The following ADGRB3 variants were observed in gnomAD, a reference collection of about 807,000 sequenced individuals.
ADGRB3 encodes brain-specific angiogenesis inhibitor 3.
ADGRB3 carries 37 observed loss-of-function variants against 193.4 expected under a neutral mutation model. That is an observed-to-expected ratio of 0.19 (90% CI 0.15 to 0.25). ADGRB3 has a LOEUF of 0.25. ADGRB3 is among the 10% of genes least tolerant of loss of function. The pLI, the probability that ADGRB3 is intolerant of heterozygous loss-of-function variation, is 1.00. For synonymous variants in ADGRB3, 690 were observed against 644.2 expected, an observed-to-expected ratio of 1.07 and a Z score of -1.08; for missense variants, 1,637 against 1,852.9, an observed-to-expected ratio of 0.88 and a Z score of 2.14.
chr6:69,353,249 T>G (rs888715425), intron 26 of ADGRB3, among the ~76,000 whole-genome samples: 1 of 152,246 alleles, frequency 6.6e-6, no homozygotes, highest in Non-Finnish European at 1.5e-5. Flanking sequence ...CTTAGAACTT[T>G]CGTGAGATGT....
intron 3 of ADGRB3, among the ~76,000 whole-genome samples, chr6:68,705,630 G>T (rs1765313924): frequency 6.6e-6 from 1 of 152,206 alleles, no homozygotes. Flanking sequence ...TAACGAAAGG[G>T]TTATTTAAAG....
At chr6:69,010,612 A>G (rs1207324128) in intron 11 of ADGRB3, among the ~76,000 whole-genome samples, 3 of 152,042 alleles carry the variant, frequency 2.0e-5, no homozygotes, top group Non-Finnish European at 2.9e-5. Flanking sequence ...GATTCAAGAT[A>G]TAAAGCATAG....
intron 17 of ADGRB3, among the ~76,000 whole-genome samples, chr6:69,104,603 G>T (rs1387703300): frequency 6.6e-6 from 1 of 151,938 alleles, no homozygotes; most frequent in African/African-American, 2.4e-5. Flanking sequence ...ATCATGTAAA[G>T]AATATGTTGC....
At chr6:69,104,055 C>CT (rs1220774685) in intron 17 of ADGRB3, among the ~76,000 whole-genome samples, 1 of 151,548 alleles carries the variant, frequency 6.6e-6, no homozygotes, top group East Asian at 1.9e-4. Flanking sequence ...TATTATTATA[C>CT]TTTAAGTTTT....
intron 20 of ADGRB3, among the ~76,000 whole-genome samples, chr6:69,277,361 T>C (rs946355336): frequency 3.9e-5 from 6 of 152,152 alleles, no homozygotes; most frequent in African/African-American, 9.7e-5. Context: ...AATGTGGCTC[T>C]ACACTAGTCA....
intron 17 of ADGRB3, among the ~76,000 whole-genome samples, chr6:69,163,851 C>T (rs1031403348): frequency 3.9e-5 from 6 of 152,104 alleles, no homozygotes; most frequent in Non-Finnish European, 8.8e-5. Context: ...TTAAAATTTG[C>T]ATGTTGCATT....
At chr6:69,213,630 C>T (rs921398714) in intron 17 of ADGRB3, among the ~76,000 whole-genome samples, 3 of 152,108 alleles carry the variant, frequency 2.0e-5, no homozygotes, top group South Asian at 2.1e-4. Context: ...GTACAACATG[C>T]GTTTTACTTG....
At chr6:68,963,307 G>T (rs1437634141) in intron 8 of ADGRB3, among the ~76,000 whole-genome samples, 2 of 152,040 alleles carry the variant, frequency 1.3e-5, no homozygotes, top group Non-Finnish European at 2.9e-5. Flanking sequence ...TCATCAAGTG[G>T]CAGTTCATGT....
chr6:68,997,651 T>TTAAATAAATAAA (rs67424530), intron 11 of ADGRB3, among the ~76,000 whole-genome samples: 1 of 145,402 alleles, frequency 6.9e-6, no homozygotes. Flanking sequence ...ACACTCTGTC[T>TTAAATAAATAAA]TAAATAAATA....
intron 10 of ADGRB3, among the ~76,000 whole-genome samples, chr6:68,985,298 GA>G (rs1167490645): frequency 1.3e-5 from 2 of 152,142 alleles, no homozygotes; most frequent in African/African-American, 4.8e-5. Context: ...CAGCAACTTT[GA>G]AAAGTGCTCT....
chr6:69,333,857 G>A (rs972284263), intron 24 of ADGRB3, among the ~76,000 whole-genome samples: 18 of 151,074 alleles, frequency 1.2e-4, no homozygotes, highest in African/African-American at 3.1e-4. Flanking sequence ...GTGAACCTGG[G>A]AGGCGGAGCT....
At chr6:69,326,959 G>A (rs1768587688) in intron 21 of ADGRB3, among the ~76,000 whole-genome samples, 1 of 152,084 alleles carries the variant, frequency 6.6e-6, no homozygotes, top group Non-Finnish European at 1.5e-5. Flanking sequence ...CATAGTTCTT[G>A]TCATTAAATC....
chr6:69,101,907 C>T (rs371314885), intron 17 of ADGRB3, among the ~76,000 whole-genome samples: 27 of 152,126 alleles, frequency 1.8e-4, no homozygotes, highest in African/African-American at 6.0e-4. Flanking sequence ...TTAAGACTCT[C>T]GGCCGGGCTC....
rs373135946 is a variant in ADGRB3 at position 68,913,038 on chromosome 6, TA to T, written c.758-17520del. 2.3e-3 allele frequency among the ~76,000 whole-genome samples: 352 copies of T among 152,220 alleles called. 1 individual carries two copies. Among genetic ancestry groups the T allele is most frequent in the African/African-American group, 8.2e-3 (341 of 41,532 alleles). ...GCACCTGCCATTGCCCAGGCTTGCT[TA>T]GGTAAATAAAGCAGCCAGGAAGCTC... On this transcript the variant is annotated intron_variant, in intron 3 of 31. Transcript: ENST00000370598.
rs144568292 is a variant in ADGRB3, at chr6:68,877,240, C to CT, written c.758-53310dup. 3.6e-4 allele frequency among the ~76,000 whole-genome samples: 55 copies of CT among 151,144 alleles called. No homozygotes were observed. The East Asian group carries it at 7.8e-3, about 21-fold the overall frequency. ...GGATTCTTTATAAATAATCTACGTA[C>CT]TTTTTTTTTGTTTCTAGACATTATT... On this transcript the variant is annotated intron_variant, in intron 3 of 31. Coordinates refer to ENST00000370598, the MANE Select transcript of ADGRB3 (RefSeq NM_001704.3).
At chr6:68,682,207 T>C (rs1381434841) in intron 3 of ADGRB3, among the ~76,000 whole-genome samples, 6 of 152,222 alleles carry the variant, frequency 3.9e-5, no homozygotes, top group African/African-American at 1.4e-4. Flanking sequence ...AAGAATCAGG[T>C]AATATTTCAA....
intron 17 of ADGRB3, among the ~76,000 whole-genome samples, chr6:69,082,225 C>T (rs1772407982): frequency 6.6e-6 from 1 of 151,974 alleles, no homozygotes; most frequent in South Asian, 2.1e-4. Flanking sequence ...TGCTTTCCAG[C>T]ACTTTTTATA....
At chr6:69,227,871 G>T (rs1215205867) in intron 17 of ADGRB3, among the ~76,000 whole-genome samples, 5 of 152,206 alleles carry the variant, frequency 3.3e-5, no homozygotes, top group Admixed American at 6.5e-5. Context: ...TTACATGTCT[G>T]CTATATGCTA....
At chr6:69,157,829 T>C (rs1189054956) in intron 17 of ADGRB3, among the ~76,000 whole-genome samples, 1 of 152,174 alleles carries the variant, frequency 6.6e-6, no homozygotes, top group Admixed American at 6.5e-5. Context: ...AGTCTAAATG[T>C]ATTATAGAGT....
Sources: gnomAD v4.1 joint callset for allele counts (sites outside exome capture counted in the v4.1 genomes callset) on GRCh38, gnomAD v4.1.1 for gene constraint, MANE v1.5 for transcripts, NCBI Gene and HGNC (gene_info 2026-07-23, HGNC 2026-07-21) for gene names.